Variants in PRUNE1 observed in about 807,000 individuals in gnomAD.
PRUNE1 encodes prune exopolyphosphatase 1, also known as exopolyphosphatase PRUNE1.
In PRUNE1, 25 loss-of-function variants were observed where a neutral mutation model predicts 42.5. That is an observed-to-expected ratio of 0.59 (90% CI 0.43 to 0.82). PRUNE1 has a LOEUF of 0.82. PRUNE1 is among the 40% of genes least tolerant of loss of function. The pLI is 0.00. For missense variants in PRUNE1, 443 were observed against 539.3 expected (o/e 0.82, Z 1.77); for synonymous variants, 203 against 217.1 (o/e 0.93, Z 0.57).
chr1:151,008,912 T>C lies in PRUNE1; in HGVS notation c.39+241T>C. On this transcript the variant is annotated intron_variant, in intron 1 of 7. Coordinates refer to ENST00000271620, the MANE Select transcript of PRUNE1 (RefSeq NM_021222.3). ...TGGCTCCCCGCCTTTGGGGTCCGCC[T>C]GAGAGCGGGGAGAAGTCTTGGGTCT... 4 of 666,110 alleles carry C rather than the reference T, an allele frequency of 6.0e-6. 1 individual carries two copies. The South Asian group carries it at 6.0e-5, about 10-fold the overall frequency. 41.3% of individuals were successfully genotyped at this position (666,110 alleles called of 1,614,324 possible). A position where few individuals can be genotyped will look rare whatever the true frequency, so the allele number is the denominator to read the frequency against.
rs1674202339 is a variant in PRUNE1, at chr1:151,017,924, A to C, written c.132+20A>C. ...GCAAAGGTGGGTAAAAAAACGTAGT[A>C]CCTAGGATCTGAGTCCCTCAGAACG... is the stretch of plus-strand genomic sequence containing the variant. On this transcript the variant is annotated intron_variant, in intron 2 of 7. Coordinates refer to ENST00000271620, the MANE Select transcript of PRUNE1 (RefSeq NM_021222.3). 1 of 1,505,724 alleles carries C rather than the reference A, an allele frequency of 6.6e-7. No homozygotes were observed. Among genetic ancestry groups the C allele is most frequent in the African/African-American group, 1.4e-5 (1 of 72,558 alleles). The allele number at this position is 1,505,724 out of a possible 1,614,324, so 93.3% of individuals were successfully genotyped here.
In PRUNE1 at chr1:151,024,767, G is replaced by A; in HGVS notation, c.492G>A (p.Leu164=). The change falls in exon 4 of 8, where the codon TTG becomes TTA. Residue 164 remains leucine (L), a synonymous_variant. Coordinates refer to ENST00000271620, the MANE Select transcript of PRUNE1 (RefSeq NM_021222.3). The stretch of plus-strand genomic sequence containing the variant: ...TCCTGCAGGGGGCACCAGAGATCTT[G>A]GACAGGCAAACTGCAGCCCTTCTGC... ...ERILQGAPEI[L]DRQTAALLHG... 6.2e-7 allele frequency: 1 copy of A among 1,613,670 alleles called. No individual in the cohort carries two copies. The highest frequency in any genetic ancestry group is 1.1e-5 in the South Asian group (1 of 91,008).
chr1:151,016,486 A>C (rs1237164092), intron 1 of PRUNE1, among the ~76,000 whole-genome samples: 2 of 151,994 alleles, frequency 1.3e-5, no homozygotes, highest in African/African-American at 4.8e-5. Flanking sequence ...TGGGCACTCC[A>C]GTTTTAGTAT....
chr1:151,027,386 C>G, intron 6 of PRUNE1, 59 bp downstream of exon 6: 1 of 1,296,772 alleles, frequency 7.7e-7, no homozygotes, highest in Non-Finnish European at 1.1e-6. Context: ...GCATGTTATG[C>G]ATGTGGCCTT....
intron 2 of PRUNE1, chr1:151,018,253 AG>A: frequency 1.4e-6 from 1 of 730,888 alleles, no homozygotes; most frequent in South Asian, 1.5e-5. Context: ...ATCTAGAAAT[AG>A]GTATTTACCA....
chr1:151,016,337 T>C (rs1221943123), intron 1 of PRUNE1, among the ~76,000 whole-genome samples: 1 of 152,152 alleles, frequency 6.6e-6, no homozygotes, highest in Non-Finnish European at 1.5e-5. Context: ...ATACCTGGAA[T>C]GAAATGATAT....
At chr1:151,012,420 A>G (rs1446302138) in intron 1 of PRUNE1, among the ~76,000 whole-genome samples, 2 of 152,184 alleles carry the variant, frequency 1.3e-5, no homozygotes, top group Non-Finnish European at 2.9e-5. Flanking sequence ...TCATTCTCAT[A>G]AGCGTCCCAG....
chr1:151,008,451 C>A lies in PRUNE1; in HGVS notation c.-182C>A. ...GGGGCGACGCCGGACTCCGGAGCGCCCGCTTACGCAGTTCCTCCCGGGGTC... is the reference window on the plus strand; with the variant it reads ...GGGGCGACGCCGGACTCCGGAGCGCACGCTTACGCAGTTCCTCCCGGGGTC... On this transcript the variant is annotated 5_prime_UTR_variant, in exon 1 of 8. Transcript: ENST00000271620. 1.9e-6 allele frequency: 2 copies of A among 1,079,684 alleles called. No homozygotes were observed. Among genetic ancestry groups the A allele is most frequent in the Non-Finnish European group, 2.7e-6 (2 of 745,942 alleles). The allele number at this position is 1,079,684 out of a possible 1,614,324, so 66.9% of individuals were successfully genotyped here.
At chr1:151,013,055 G>A (rs886282467) in intron 1 of PRUNE1, among the ~76,000 whole-genome samples, 1 of 152,138 alleles carries the variant, frequency 6.6e-6, no homozygotes, top group African/African-American at 2.4e-5. Flanking sequence ...GAGCCACCGC[G>A]CTCGGCCTAT....
chr1:151,008,482 C>T lies in PRUNE1; in HGVS notation c.-151C>T. 1.7e-6 allele frequency: 2 copies of T among 1,196,282 alleles called. No individual in the cohort carries two copies. Among genetic ancestry groups the T allele is most frequent in the Non-Finnish European group, 2.4e-6 (2 of 819,914 alleles). 74.1% of individuals were successfully genotyped at this position (1,196,282 alleles called of 1,614,324 possible). ...ACGCAGTTCCTCCCGGGGTCGGAGG[C>T]CGATTCGCCGTGTGGCGGGTTCGAG... On this transcript the variant is annotated 5_prime_UTR_variant, in exon 1 of 8. Coordinates refer to ENST00000271620, the MANE Select transcript of PRUNE1 (RefSeq NM_021222.3).
chr1:151,027,252 G>A lies in PRUNE1; in HGVS notation c.699G>A (p.Met233Ile), dbSNP rs1395783596. ...TTCTAGGACTGACCACTGAGCAGATGCTGAGAAAAGACCAGAAGACTATCT... is the reference window on the plus strand; with the variant it reads ...TTCTAGGACTGACCACTGAGCAGATACTGAGAAAAGACCAGAAGACTATCT... ...FDVSGLTTEQ[M>I]LRKDQKTIYR... is the part of the protein sequence containing the mutation. The change falls in exon 6 of 8, where the codon ATG becomes ATA. Residue 233 changes from methionine (M) to isoleucine (I), a missense_variant. Transcript: ENST00000271620. 1 of 1,610,176 alleles carries A rather than the reference G, an allele frequency of 6.2e-7. No homozygotes were observed. The highest frequency in any genetic ancestry group is 1.7e-5 in the Admixed American group (1 of 59,984).
At chr1:151,033,699 T>G in intron 7 of PRUNE1, 107 bp from the exon 8 acceptor site, 1 of 1,192,436 alleles carries the variant, frequency 8.4e-7, no homozygotes, top group Non-Finnish European at 1.2e-6. Flanking sequence ...CCGGCCGACT[T>G]ACTTTTTAAA....
chr1:151,013,849 C>A (rs1344303041), intron 1 of PRUNE1, among the ~76,000 whole-genome samples: 1 of 152,184 alleles, frequency 6.6e-6, no homozygotes, highest in Non-Finnish European at 1.5e-5. Context: ...TCTCTGGTAT[C>A]AGGAGGAGGA....
At chr1:151,012,437 C>T (rs1673827096) in intron 1 of PRUNE1, among the ~76,000 whole-genome samples, 1 of 152,150 alleles carries the variant, frequency 6.6e-6, no homozygotes, top group Non-Finnish European at 1.5e-5. Flanking sequence ...CCAGTTTGAA[C>T]AATCAAATAT....
intron 1 of PRUNE1, among the ~76,000 whole-genome samples, chr1:151,016,618 C>T (rs1674117844): frequency 6.6e-6 from 1 of 151,982 alleles, no homozygotes; most frequent in Non-Finnish European, 1.5e-5. Flanking sequence ...TCTCCTGTCT[C>T]AGCCTCCTGA....
At chr1:151,024,817 G>A (rs375982591) in intron 4 of PRUNE1, 22 bp downstream of exon 4, 4 of 1,592,174 alleles carry the variant, frequency 2.5e-6, no homozygotes, top group Non-Finnish European at 3.4e-6. Context: ...TTTTGGATTG[G>A]GACCTCAGTA....
intron 2 of PRUNE1, 68 bp from the exon 3 acceptor site, chr1:151,018,399 A>C (rs1461667836): frequency 7.5e-7 from 1 of 1,327,496 alleles, no homozygotes; most frequent in Non-Finnish European, 1.1e-6. Flanking sequence ...CTTTGGTCCC[A>C]GTAGTCTTGT....
chr1:151,019,741 A>G (rs1674308317), intron 3 of PRUNE1, among the ~76,000 whole-genome samples: 1 of 151,886 alleles, frequency 6.6e-6, no homozygotes, highest in African/African-American at 2.4e-5. Context: ...GGCTCATGCT[A>G]TCTTCCTGCC....
At chr1:151,028,998 T>C in intron 7 of PRUNE1, 54 bp downstream of exon 7, 1 of 1,527,542 alleles carries the variant, frequency 6.5e-7, no homozygotes, top group Non-Finnish European at 9.0e-7. Flanking sequence ...TGCCTGTATG[T>C]ACCTCTGTGC....
Sources: allele counts gnomAD v4.1 joint callset (sites outside exome capture counted in the v4.1 genomes callset), GRCh38; gene constraint gnomAD v4.1.1; transcripts MANE v1.5; gene names NCBI Gene and HGNC (gene_info 2026-07-23, HGNC 2026-07-21).